Variants in KALRN observed in about 807,000 individuals in gnomAD.
KALRN encodes kalirin.
In KALRN, 70 loss-of-function variants were observed where a neutral mutation model predicts 353.7. The ratio of observed to expected loss-of-function variants is 0.20; its 90% CI spans 0.16 to 0.24. KALRN has a LOEUF of 0.24. Ranked by LOEUF, KALRN falls within the 10% of genes least tolerant of loss-of-function variation. The probability of loss-of-function intolerance (pLI) is 1.00; values close to 1 mark genes in which losing one functional copy is unlikely to be tolerated. For synonymous variants in KALRN, 1,391 were observed against 1,434.8 expected, an observed-to-expected ratio of 0.97 and a Z score of 0.69; for missense variants, 2,791 against 3,756.7, an observed-to-expected ratio of 0.74 and a Z score of 6.72.
intron 38 of KALRN, among the ~76,000 whole-genome samples, chr3:124,651,797 C>G (rs1026617678): frequency 3.1e-4 from 47 of 152,012 alleles, no homozygotes; most frequent in Non-Finnish European, 5.4e-4. Flanking sequence ...GCCACCATGC[C>G]TGGCTAATTA....
At chr3:124,595,900 A>G (rs2076222072) in intron 34 of KALRN, among the ~76,000 whole-genome samples, 1 of 152,200 alleles carries the variant, frequency 6.6e-6, no homozygotes, top group Non-Finnish European at 1.5e-5. Flanking sequence ...TGTAGGGTAT[A>G]AAAAGTATAT....
rs2080336267 is a variant in KALRN, at chr3:124,329,923, G to C, written c.1347G>C (p.Met449Ile). 1.2e-6 allele frequency: 2 copies of C among 1,613,794 alleles called. No individual in the cohort carries two copies. The highest frequency in any genetic ancestry group is 8.5e-7 in the Non-Finnish European group (1 of 1,179,922). ...GTGAAGGTGGTCTGCCATCCGAGATGCAAGACCTAGAGCTGGCAATCCACC... is the reference window on the plus strand; with the variant it reads ...GTGAAGGTGGTCTGCCATCCGAGATCCAAGACCTAGAGCTGGCAATCCACC... Reference protein sequence around the residue: ...MCSEGGLPSEMQDLELAIHHH... With the variant: ...MCSEGGLPSEIQDLELAIHHH... The change falls in exon 8 of 60, where the codon ATG becomes ATC. Residue 449 changes from methionine (M) to isoleucine (I), a missense_variant. This residue lies in a region of KALRN where 366 missense variants were observed against 489.2 expected (regional missense o/e 0.75). Coordinates refer to ENST00000682506, the MANE Select transcript of KALRN (RefSeq NM_001388419.1).
chr3:124,292,839 TAAC>T (rs2149159216), intron 5 of KALRN, among the ~76,000 whole-genome samples: 1 of 152,344 alleles, frequency 6.6e-6, no homozygotes, highest in South Asian at 2.1e-4. Context: ...ATGTAGCACT[TAAC>T]AAAGCATTTT....
At position 124,486,254 on chromosome 3, in the gene KALRN, G is replaced by T. The variant is rs187490476; in HGVS notation, c.4285-1950G>T. ...AGACTTGCTAAATTGTTTTGGGCAG[G>T]GGGGGATTAAACTAATTCATGTTTT... On this transcript the variant is annotated intron_variant, in intron 28 of 59. Transcript: ENST00000682506. 1.2e-4 allele frequency among the ~76,000 whole-genome samples: 18 copies of T among 152,242 alleles called. No homozygotes were observed. In the East Asian group the frequency reaches 2.9e-3, roughly 24 times the overall value.
At chr3:124,477,151 CT>C (rs2061504444) in intron 26 of KALRN, 93 bp from the exon 27 acceptor site, 3 of 808,100 alleles carry the variant, frequency 3.7e-6, no homozygotes, top group Non-Finnish European at 6.2e-6. Context: ...GTCTGAGGGT[CT>C]TAACTGTACA....
chr3:124,663,687 T>A (rs2085190219), intron 45 of KALRN, among the ~76,000 whole-genome samples: 1 of 152,202 alleles, frequency 6.6e-6, no homozygotes, highest in Admixed American at 6.5e-5. Flanking sequence ...TATTCCTTTT[T>A]GGGGCAAAGG....
rs2063335234 is a variant in KALRN, at chr3:124,493,012, A to C, written c.4832+130A>C. The C allele has an allele frequency of 4.2e-6, 4 of 952,408 alleles. No individual in the cohort carries two copies. The Admixed American group carries it at 1.1e-4, about 26-fold the overall frequency. The allele number at this position is 952,408 out of a possible 1,614,324, so 59.0% of individuals were successfully genotyped here. On this transcript the variant is annotated intron_variant, in intron 32 of 59. Transcript: ENST00000682506. ...CTCTCCAGGAAGGCCTGTGAGTTCT[A>C]CCTAGGATGAGTCATCTGATCTTTA... is the stretch of plus-strand genomic sequence containing the variant.
rs747087120 is a variant in KALRN, at chr3:124,227,663, GT to G, written c.74-285del. Among the ~76,000 whole-genome samples, 42 of 69,258 alleles carry G rather than the reference GT, an allele frequency of 6.1e-4. 4 individuals carry two copies. The East Asian group carries it at 0.012, about 19-fold the overall frequency. 45.4% of individuals were successfully genotyped at this position (69,258 alleles called of 152,430 possible). ...CAAGTTGCTCAATAGCAACAGGGCT[GT>G]TTTTTTTTTTTTTTTTTTTTTTTTT... On this transcript the variant is annotated intron_variant, in intron 1 of 59. Transcript: ENST00000682506.
chr3:124,350,592 T>G (rs2082734992), intron 10 of KALRN, among the ~76,000 whole-genome samples: 1 of 152,112 alleles, frequency 6.6e-6, no homozygotes. Flanking sequence ...TAGGTGCCCA[T>G]TTGCTTATGG....
intron 6 of KALRN, among the ~76,000 whole-genome samples, chr3:124,305,244 A>G (rs1560513302): frequency 6.6e-6 from 1 of 152,210 alleles, no homozygotes. Context: ...GCCACTTACA[A>G]AAATGCTCTT....
At chr3:124,317,716 T>TA (rs11334433) in intron 6 of KALRN, among the ~76,000 whole-genome samples, 179 of 72,958 alleles carry the variant, frequency 2.5e-3, no homozygotes, top group African/African-American at 4.8e-3. Context: ...CAGGCCTTAT[T>TA]AAAAAAAAAA....
chr3:124,069,080 C>T (rs192403828), intron 1 of KALRN, among the ~76,000 whole-genome samples: 10 of 152,186 alleles, frequency 6.6e-5, no homozygotes, highest in Admixed American at 1.3e-4. Flanking sequence ...ACCCTCCACA[C>T]GTTTGGTATA....
intron 36 of KALRN, among the ~76,000 whole-genome samples, chr3:124,636,862 C>T (rs760200639): frequency 1.3e-5 from 2 of 152,194 alleles, no homozygotes; most frequent in African/African-American, 4.8e-5. Flanking sequence ...CTCGTTTGCC[C>T]ACAGAGCAGT....
At chr3:124,295,135 T>G (rs2076748440) in intron 5 of KALRN, among the ~76,000 whole-genome samples, 1 of 152,228 alleles carries the variant, frequency 6.6e-6, no homozygotes, top group South Asian at 2.1e-4. Flanking sequence ...GGGTGAGGAT[T>G]ATATGCTAGT....
At chr3:124,324,339 G>A (rs10934665) in intron 6 of KALRN, among the ~76,000 whole-genome samples, 143,172 of 152,268 alleles carry the variant, frequency 0.94, 67,941 homozygotes, top group East Asian at 1. Flanking sequence ...TAAAACTGTC[G>A]AAATCAGTGT....
rs1686411033 is a variant in KALRN at position 124,295,260 on chromosome 3, A to T, written c.970-3531A>T. 2.0e-5 allele frequency among the ~76,000 whole-genome samples: 3 copies of T among 152,160 alleles called. No individual in the cohort carries two copies. The South Asian group carries it at 6.2e-4, about 32-fold the overall frequency. ...AGCAGGTCTTTTTCTCTCTACTGAG[A>T]TGTGTATCACCTCTTTGGAGCGCCA... On this transcript the variant is annotated intron_variant, in intron 5 of 59. Transcript: ENST00000682506.
At position 124,671,686 on chromosome 3, in the gene KALRN, C is replaced by T. The variant is rs780069173; in HGVS notation, c.6730C>T (p.Arg2244Trp). ...NALQSPIEYQ[R>W]KERSTAVMRS... ...ACTGCAATCGCCCATTGAGTATCAA[C>T]GGAAAGAAAGGAGCACAGCTGTGAT... is the stretch of plus-strand genomic sequence containing the variant. Residue 2244 changes from arginine to tryptophan, a missense_variant, in exon 48 of 60, where the codon CGG (arginine) becomes TGG (tryptophan). Transcript: ENST00000682506. 2.1e-5 allele frequency: 34 copies of T among 1,613,196 alleles called. No homozygotes were observed. In the Middle Eastern group the frequency reaches 4.9e-4, roughly 23 times the overall value.
rs1176532387 is a variant in KALRN at position 124,713,060 on chromosome 3, A to T, written c.8201A>T (p.His2734Leu). Residue 2734 changes from histidine (H) to leucine (L), a missense_variant, in exon 58 of 60, where the codon CAC becomes CTC. This residue lies in a region of KALRN where 188 missense variants were observed against 402.9 expected (regional missense o/e 0.47). Transcript: ENST00000682506. ...QAAHEAALLQHLQHPQYITLH... is the reference protein window; with the variant it reads ...QAAHEAALLQLLQHPQYITLH... ...GCCCACGAGGCTGCCCTGCTTCAGC[A>T]CCTACAGCACCCCCAGTACATCACT... 1 of 1,614,184 alleles carries T rather than the reference A, an allele frequency of 6.2e-7. No homozygotes were observed. Among genetic ancestry groups the T allele is most frequent in the East Asian group, 2.2e-5 (1 of 44,890 alleles).
At chr3:124,124,788 G>A (rs2064437405) in intron 1 of KALRN, among the ~76,000 whole-genome samples, 1 of 152,184 alleles carries the variant, frequency 6.6e-6, no homozygotes, top group Non-Finnish European at 1.5e-5. Context: ...GCATTTTTTA[G>A]CAGTGAAATA....
Sources: allele counts gnomAD v4.1 joint callset (sites outside exome capture counted in the v4.1 genomes callset), GRCh38; gene constraint gnomAD v4.1.1; regional missense constraint gnomAD v4.1.1; transcripts MANE v1.5; gene names NCBI Gene and HGNC (gene_info 2026-07-23, HGNC 2026-07-21).